The following EHBP1 variants were observed in gnomAD, a reference collection of about 807,000 sequenced individuals.
EHBP1 encodes the protein EH domain binding protein 1, also known as EH domain-binding protein 1.
EHBP1 carries 55 observed loss-of-function variants against 144.0 expected under a neutral mutation model. That is an observed-to-expected ratio of 0.38 (90% CI 0.31 to 0.48). The LOEUF is 0.48. Among genes scored for constraint, EHBP1 ranks in the 20% least tolerant of loss-of-function variants. EHBP1 has a pLI of 0.98. For synonymous variants in EHBP1, 469 were observed against 472.7 expected (o/e 0.99, Z 0.10); for missense variants, 1,200 against 1,364.2 (o/e 0.88, Z 1.90).
intron 1 of EHBP1, among the ~76,000 whole-genome samples, chr2:62,682,031 T>C (rs1214768940): frequency 2.6e-5 from 4 of 152,206 alleles, no homozygotes; most frequent in Admixed American, 6.5e-5. Flanking sequence ...AGAGAGGCTG[T>C]GGCTCAGCAC....
At chr2:62,940,098 C>T in intron 10 of EHBP1, 1 of 428,464 alleles carries the variant, frequency 2.3e-6, no homozygotes, top group Non-Finnish European at 4.7e-6. Flanking sequence ...AGTTGGGATG[C>T]CTACCAAGAC....
chr2:62,925,719 C>T (rs1337289930), intron 10 of EHBP1, among the ~76,000 whole-genome samples: 1 of 151,956 alleles, frequency 6.6e-6, no homozygotes, highest in Non-Finnish European at 1.5e-5. Context: ...AAAGACTCTA[C>T]ATGGAAAACT....
chr2:62,874,149 T>G (rs1214815226), intron 9 of EHBP1, among the ~76,000 whole-genome samples, 197 bp from the exon 10 acceptor site: 1 of 152,188 alleles, frequency 6.6e-6, no homozygotes, highest in Non-Finnish European at 1.5e-5. Flanking sequence ...AAGTACTTTT[T>G]AAAACCAAAT....
At chr2:62,866,529 C>A (rs2050051090) in intron 9 of EHBP1, among the ~76,000 whole-genome samples, 1 of 152,046 alleles carries the variant, frequency 6.6e-6, no homozygotes, top group Non-Finnish European at 1.5e-5. Flanking sequence ...AAGAAGACAG[C>A]ATAGATGATA....
At chr2:62,773,850 CAA>C (rs570715468) in intron 5 of EHBP1, among the ~76,000 whole-genome samples, 37 of 41,498 alleles carry the variant, frequency 8.9e-4, no homozygotes, top group South Asian at 1.5e-3. Context: ...GACTCCATCT[CAA>C]AAAAAAAAAA....
At chr2:62,960,581 T>C (rs1298147332) in intron 14 of EHBP1, among the ~76,000 whole-genome samples, 3 of 152,162 alleles carry the variant, frequency 2.0e-5, no homozygotes, top group African/African-American at 7.2e-5. Context: ...ACAAGGACCT[T>C]GTATCCCCAG....
In EHBP1 at chr2:62,814,715, A is replaced by G. The variant is rs540038166; in HGVS notation, c.313-11372A>G. Among the ~76,000 whole-genome samples, 15 of 152,354 alleles carry G rather than the reference A, an allele frequency of 9.8e-5. No individual in the cohort carries two copies. The South Asian group carries it at 2.9e-3, about 29-fold the overall frequency. On this transcript the variant is annotated intron_variant, in intron 5 of 22. Coordinates refer to ENST00000431489, the MANE Select transcript of EHBP1 (RefSeq NM_001142616.3). ...GTTAAGGCATAGCTTCTAAACAGAC[A>G]AAACAACAAAGGCATGACGTGTTGC... is the stretch of plus-strand genomic sequence containing the variant.
At chr2:62,809,654 C>T (rs774757967) in intron 5 of EHBP1, among the ~76,000 whole-genome samples, 26 of 152,158 alleles carry the variant, frequency 1.7e-4, no homozygotes, top group Non-Finnish European at 3.4e-4. Context: ...ACCACCCTGT[C>T]ACTCCCCCAA....
At chr2:62,977,630 A>G (rs1574326076) in intron 14 of EHBP1, among the ~76,000 whole-genome samples, 1 of 152,292 alleles carries the variant, frequency 6.6e-6, no homozygotes, top group South Asian at 2.1e-4. Context: ...TATAAATAGT[A>G]TATAGTATAT....
At chr2:62,866,972 A>C (rs1232905384) in intron 9 of EHBP1, among the ~76,000 whole-genome samples, 1 of 152,168 alleles carries the variant, frequency 6.6e-6, no homozygotes, top group Non-Finnish European at 1.5e-5. Flanking sequence ...GATATTCTTA[A>C]AGGACTGAAG....
At chr2:62,817,569 G>A (rs1210474691) in intron 5 of EHBP1, among the ~76,000 whole-genome samples, 1 of 152,174 alleles carries the variant, frequency 6.6e-6, no homozygotes, top group Non-Finnish European at 1.5e-5. Flanking sequence ...TTGCTGTGGG[G>A]CAATTGAAGG....
intron 10 of EHBP1, among the ~76,000 whole-genome samples, chr2:62,906,689 G>T (rs2053837607): frequency 6.6e-6 from 1 of 152,126 alleles, no homozygotes; most frequent in South Asian, 2.1e-4. Context: ...CCAAGCTCTA[G>T]TACAATATCA....
At chr2:62,783,584 T>C (rs2042602895) in intron 5 of EHBP1, among the ~76,000 whole-genome samples, 1 of 152,244 alleles carries the variant, frequency 6.6e-6, no homozygotes, top group African/African-American at 2.4e-5. Context: ...CTGCCAAGGC[T>C]TGGGGCTTGC....
At chr2:62,999,826 C>A (rs183111248) in intron 19 of EHBP1, among the ~76,000 whole-genome samples, 1 of 151,724 alleles carries the variant, frequency 6.6e-6, no homozygotes, top group East Asian at 1.9e-4. Context: ...GGGTATATAC[C>A]GAGGATTGGA....
chr2:62,707,947 G>A (rs2034760662), intron 2 of EHBP1, among the ~76,000 whole-genome samples: 1 of 152,168 alleles, frequency 6.6e-6, no homozygotes, highest in Admixed American at 6.5e-5. Flanking sequence ...TTCCACTTGA[G>A]AAGAGTAAAT....
In EHBP1 at chr2:62,993,542, G is replaced by T. The variant is rs777865359; in HGVS notation, c.2746G>T (p.Asp916Tyr). Residue 916 changes from aspartate (D) to tyrosine (Y), a missense_variant, in exon 17 of 23, where the codon GAT becomes TAT. Coordinates refer to ENST00000431489, the MANE Select transcript of EHBP1 (RefSeq NM_001142616.3). ...GTTTTACGTTTAGAGTGGCACAGAAGATCTCCGGACTGAACGATTACAAAA... is the reference window on the plus strand; with the variant it reads ...GTTTTACGTTTAGAGTGGCACAGAATATCTCCGGACTGAACGATTACAAAA... Reference protein sequence around the residue: ...SEQDMKSGTEDLRTERLQKTT... With the variant: ...SEQDMKSGTEYLRTERLQKTT... The T allele has an allele frequency of 1.3e-6, 2 of 1,585,128 alleles. No individual in the cohort carries two copies. Among genetic ancestry groups the T allele is most frequent in the South Asian group, 2.3e-5 (2 of 86,066 alleles).
At chr2:62,942,483 A>G (rs1258017209) in intron 10 of EHBP1, among the ~76,000 whole-genome samples, 1 of 152,210 alleles carries the variant, frequency 6.6e-6, no homozygotes, top group South Asian at 2.1e-4. Flanking sequence ...GTTCTTATGT[A>G]TAAGTTTAAA....
intron 14 of EHBP1, among the ~76,000 whole-genome samples, chr2:62,958,009 A>T (rs1357740983): frequency 6.6e-6 from 1 of 152,152 alleles, no homozygotes; most frequent in Non-Finnish European, 1.5e-5. Flanking sequence ...AGCAAATGAA[A>T]CTCAAAGCCG....
At chr2:62,770,317 GAAAA>G (rs780952704) in intron 4 of EHBP1, among the ~76,000 whole-genome samples, 57 of 151,712 alleles carry the variant, frequency 3.8e-4, no homozygotes, top group Non-Finnish European at 7.2e-4. Context: ...AAATTTACAA[GAAAA>G]AAACAAAACA....
Sources: gnomAD v4.1 joint callset for allele counts (sites outside exome capture counted in the v4.1 genomes callset) on GRCh38, gnomAD v4.1.1 for gene constraint, MANE v1.5 for transcripts, NCBI Gene and HGNC (gene_info 2026-07-23, HGNC 2026-07-21) for gene names.